The following MIER1 variants were observed in gnomAD, a reference collection of about 807,000 sequenced individuals.
The protein encoded by MIER1 is mesoderm induction early response protein 1.
MIER1 carries 40 observed loss-of-function variants against 75.7 expected under a neutral mutation model. The ratio of observed to expected loss-of-function variants is 0.53; its 90% CI spans 0.41 to 0.69. The LOEUF is 0.69. MIER1 is among the 30% of genes least tolerant of loss of function. MIER1 has a pLI of 0.00. For synonymous variants in MIER1, 213 were observed against 223.4 expected, an observed-to-expected ratio of 0.95 and a Z score of 0.42; for missense variants, 574 against 680.2, an observed-to-expected ratio of 0.84 and a Z score of 1.74.
chr1:66,963,175 A>G lies in MIER1; in HGVS notation c.772+15A>G. ...AAATGAAAAAGGTGGGTTATTAGTA[A>G]AGTTACGTAGCTGAATTTATGCTTT... is the stretch of plus-strand genomic sequence containing the variant. On this transcript the variant is annotated intron_variant, in intron 8 of 13. Transcript: ENST00000401041. 1 of 1,510,096 alleles carries G rather than the reference A, an allele frequency of 6.6e-7. No individual in the cohort carries two copies. Among genetic ancestry groups the G allele is most frequent in the Non-Finnish European group, 9.2e-7 (1 of 1,085,860 alleles). The allele number at this position is 1,510,096 out of a possible 1,614,324, so 93.5% of individuals were successfully genotyped here.
chr1:66,950,261 A>G (rs577842453), intron 4 of MIER1, among the ~76,000 whole-genome samples: 3 of 152,284 alleles, frequency 2.0e-5, no homozygotes, highest in Admixed American at 1.3e-4. Context: ...GGCATGTGCC[A>G]CCAAGCCCAG....
chr1:66,928,788 A>G (rs1403385263), intron 2 of MIER1: 1 of 626,150 alleles, frequency 1.6e-6, no homozygotes, highest in African/African-American at 1.9e-5. Flanking sequence ...TAAAAAATAA[A>G]ATGAAAATAC....
chr1:66,953,792 T>C (rs932133667), intron 4 of MIER1, among the ~76,000 whole-genome samples: 1 of 151,826 alleles, frequency 6.6e-6, no homozygotes, highest in African/African-American at 2.4e-5. Flanking sequence ...TTAGTAGAGT[T>C]GGGGTTCCAC....
At position 66,925,050 on chromosome 1, in the gene MIER1, G is replaced by A. The variant is rs1273035698; in HGVS notation, c.22G>A (p.Gly8Ser). MDGASSG[G>S]GGSSEGGGGS... ...GCGGATGGATGGGGCTTCTTCAGGCGGTGGCGGCAGCAGCGAAGGTGGCGG... is the reference window on the plus strand; with the variant it reads ...GCGGATGGATGGGGCTTCTTCAGGCAGTGGCGGCAGCAGCGAAGGTGGCGG... Residue 8 changes from glycine (G) to serine (S), a missense_variant, in exon 1 of 14, where the codon GGT (glycine) becomes AGT (serine). Gly to Ser is a moderately conservative substitution (Grantham distance 56). Around this residue, in one of 3 missense-constraint regions of MIER1, gnomAD observed 309 missense variants for 352.8 expected, o/e 0.88. Coordinates refer to ENST00000401041, the MANE Select transcript of MIER1 (RefSeq NM_001077700.3). 6.5e-7 allele frequency: 1 copy of A among 1,549,214 alleles called. No individual in the cohort carries two copies. Among genetic ancestry groups the A allele is most frequent in the Non-Finnish European group, 8.7e-7 (1 of 1,146,118 alleles).
chr1:66,927,598 A>G (rs1652143651), intron 2 of MIER1, among the ~76,000 whole-genome samples: 1 of 152,136 alleles, frequency 6.6e-6, no homozygotes, highest in East Asian at 1.9e-4. Flanking sequence ...GCATTTGGAT[A>G]CAAAGAAGAT....
At chr1:66,961,785 G>C (rs182890986) in intron 7 of MIER1, among the ~76,000 whole-genome samples, 1 of 152,262 alleles carries the variant, frequency 6.6e-6, no homozygotes. Flanking sequence ...GACAATAAAG[G>C]ACTCTTTTTA....
intron 11 of MIER1, among the ~76,000 whole-genome samples, chr1:66,975,274 C>G (rs1030529999): frequency 6.6e-6 from 1 of 152,164 alleles, no homozygotes; most frequent in Non-Finnish European, 1.5e-5. Context: ...TGCCTGTTAT[C>G]TCAGTACTTT....
At chr1:66,974,800 C>A (rs12090768) in intron 11 of MIER1, among the ~76,000 whole-genome samples, 9,445 of 152,034 alleles carry the variant, frequency 0.062, 927 homozygotes, top group African/African-American at 0.21. Flanking sequence ...GTGAGAATAT[C>A]GAGTTTGTTT....
At chr1:66,955,016 T>A (rs1334703346) in intron 4 of MIER1, among the ~76,000 whole-genome samples, 7 of 152,208 alleles carry the variant, frequency 4.6e-5, no homozygotes, top group African/African-American at 1.7e-4. Context: ...GCCTGAGAAA[T>A]GAATTTTTAC....
Position 66,925,042 on chromosome 1 carries a change from C to A in MIER1, c.14C>A (p.Ser5Tyr). ...GGCTGCAGGCGGATGGATGGGGCTTCTTCAGGCGGTGGCGGCAGCAGCGAA... is the reference window on the plus strand; with the variant it reads ...GGCTGCAGGCGGATGGATGGGGCTTATTCAGGCGGTGGCGGCAGCAGCGAA... MDGASSGGGGSSEGG... is the reference protein window; with the variant it reads MDGAYSGGGGSSEGG... The change falls in exon 1 of 14, where the codon TCT becomes TAT. Residue 5 changes from serine (S) to tyrosine (Y), a missense_variant. This residue lies in a region of MIER1 where 309 missense variants were observed against 352.8 expected (regional missense o/e 0.88). Coordinates refer to ENST00000401041, the MANE Select transcript of MIER1 (RefSeq NM_001077700.3). 2 of 1,549,824 alleles carry A rather than the reference C, an allele frequency of 1.3e-6. No individual in the cohort carries two copies. Among genetic ancestry groups the A allele is most frequent in the Non-Finnish European group, 1.7e-6 (2 of 1,146,280 alleles).
intron 8 of MIER1, among the ~76,000 whole-genome samples, chr1:66,967,234 T>C (rs954897921): frequency 9.9e-5 from 15 of 152,200 alleles, no homozygotes; most frequent in Non-Finnish European, 2.9e-5. Flanking sequence ...GGATATCCAG[T>C]TTCCCAGCAC....
chr1:66,933,771 G>C (rs1212728659), intron 2 of MIER1, among the ~76,000 whole-genome samples: 2 of 152,114 alleles, frequency 1.3e-5, no homozygotes, highest in African/African-American at 4.8e-5. Context: ...TAATTCATTG[G>C]CAGTTAAGAG....
At chr1:66,959,972 C>T (rs1660941549) in intron 7 of MIER1, 3 of 248,760 alleles carry the variant, frequency 1.2e-5, no homozygotes, top group Non-Finnish European at 2.3e-5. Flanking sequence ...GTTATCCCAG[C>T]ACTTGGGAGG....
chr1:66,953,947 T>C (rs1000168630), intron 4 of MIER1, among the ~76,000 whole-genome samples: 2 of 152,132 alleles, frequency 1.3e-5, no homozygotes, highest in East Asian at 3.9e-4. Flanking sequence ...GTATTTTTTT[T>C]CCATGTGATA....
intron 2 of MIER1, among the ~76,000 whole-genome samples, chr1:66,931,244 T>G (rs1653281879): frequency 6.6e-6 from 1 of 152,228 alleles, no homozygotes; most frequent in Non-Finnish European, 1.5e-5. Context: ...TGCTGTTGAT[T>G]TATTAATCGG....
chr1:66,925,184 C>G (rs934954533), intron 1 of MIER1, 89 bp downstream of exon 1: 220 of 1,468,752 alleles, frequency 1.5e-4, no homozygotes, highest in Middle Eastern at 1.2e-3. Context: ...CCTTTCTCTC[C>G]TTCCCCTCCC....
At chr1:66,971,022 C>T (rs1248917140) in intron 9 of MIER1, 63 bp downstream of exon 9, 1 of 1,432,564 alleles carries the variant, frequency 7.0e-7, no homozygotes, top group African/African-American at 1.5e-5. Context: ...AATGCTGTCA[C>T]TTGCATTGTT....
intron 4 of MIER1, among the ~76,000 whole-genome samples, chr1:66,953,149 T>TC (rs1156858768): frequency 6.6e-6 from 1 of 152,142 alleles, no homozygotes; most frequent in Non-Finnish European, 1.5e-5. Context: ...GCTACTATGG[T>TC]CAAGGAGGTG....
intron 8 of MIER1, among the ~76,000 whole-genome samples, 199 bp downstream of exon 8, chr1:66,963,359 G>A (rs1347919013): frequency 1.3e-5 from 2 of 152,042 alleles, no homozygotes. Flanking sequence ...GTCTATAGAA[G>A]CCTAGCCAAA....
Sources: allele counts gnomAD v4.1 joint callset (sites outside exome capture counted in the v4.1 genomes callset), GRCh38; gene constraint gnomAD v4.1.1; regional missense constraint gnomAD v4.1.1; transcripts MANE v1.5; gene names NCBI Gene and HGNC (gene_info 2026-07-23, HGNC 2026-07-21).